RYR2: variants seen among roughly 807,000 people sequenced by gnomAD.
The protein encoded by RYR2 is cardiac muscle ryanodine receptor-calcium release channel.
Under a neutral mutation model 601.1 loss-of-function variants are expected in RYR2, and 227 were observed. The ratio of observed to expected loss-of-function variants is 0.38; its 90% CI spans 0.34 to 0.42. RYR2 has a LOEUF of 0.42. Ranked by LOEUF, RYR2 falls within the 10% of genes least tolerant of loss-of-function variation. The pLI, the probability that RYR2 is intolerant of heterozygous loss-of-function variation, is 1.00. For synonymous variants in RYR2, 2,223 were observed against 2,175.1 expected (o/e 1.02, Z -0.61); for missense variants, 4,646 against 6,156.5 (o/e 0.75, Z 8.21).
At chr1:237,414,231 A>AC (rs1704725131) in intron 10 of RYR2, among the ~76,000 whole-genome samples, 1 of 59,134 alleles carries the variant, frequency 1.7e-5, no homozygotes, top group Non-Finnish European at 3.2e-5. Flanking sequence ...TTTGTCATTC[A>AC]GTCTTACTTA....
intron 27 of RYR2, among the ~76,000 whole-genome samples, chr1:237,565,069 G>C (rs1671827733): frequency 6.6e-6 from 1 of 152,024 alleles, no homozygotes; most frequent in African/African-American, 2.4e-5. Context: ...ATCTTAAGGA[G>C]AAACAAATAG....
chr1:237,091,544 C>G (rs544823119), intron 1 of RYR2, among the ~76,000 whole-genome samples: 2 of 152,234 alleles, frequency 1.3e-5, no homozygotes, highest in Admixed American at 1.3e-4. Context: ...CCTGCCTCAG[C>G]CTCCCGAGTA....
chr1:237,256,972 A>G (rs933326692), intron 1 of RYR2, among the ~76,000 whole-genome samples: 4 of 151,882 alleles, frequency 2.6e-5, no homozygotes, highest in African/African-American at 9.7e-5. Context: ...ATTCAAACCA[A>G]TTTGCTTGGC....
intron 17 of RYR2, among the ~76,000 whole-genome samples, chr1:237,489,775 C>T (rs1293362503): frequency 2.6e-5 from 4 of 152,140 alleles, no homozygotes. Flanking sequence ...CCCAGGAAGC[C>T]TATTACTGGG....
In RYR2 at chr1:237,682,130, T is replaced by A. The variant is rs76553469; in HGVS notation, c.9017+1553T>A. Among the ~76,000 whole-genome samples the A allele has an allele frequency of 9.3e-3, 1,414 of 152,322 alleles. 14 individuals are homozygous for A. The highest frequency in any genetic ancestry group is 0.057 in the South Asian group (274 of 4,826). ...TTAGAACTATTCACTGAGCCCATAC[T>A]ATGCATATATCGAAGCATCCAATTG... is the stretch of plus-strand genomic sequence containing the variant. On this transcript the variant is annotated intron_variant, in intron 62 of 104. Coordinates refer to ENST00000366574, the MANE Select transcript of RYR2 (RefSeq NM_001035.3).
At chr1:237,280,546 T>C (rs1213399999) in intron 2 of RYR2, among the ~76,000 whole-genome samples, 1 of 152,108 alleles carries the variant, frequency 6.6e-6, no homozygotes, top group African/African-American at 2.4e-5. Context: ...TCCCAATATT[T>C]TTAGAGAAAA....
chr1:237,245,076 G>A (rs917821042), intron 1 of RYR2, among the ~76,000 whole-genome samples: 1 of 152,050 alleles, frequency 6.6e-6, no homozygotes, highest in Admixed American at 6.6e-5. Context: ...AATTAGCTGG[G>A]TGTGGTGGTG....
intron 1 of RYR2, among the ~76,000 whole-genome samples, chr1:237,099,889 G>GT (rs557001737): frequency 1.3e-4 from 20 of 152,222 alleles, no homozygotes; most frequent in African/African-American, 4.8e-4. Flanking sequence ...GCAGAGAGGA[G>GT]TTTTGTAAAT....
chr1:237,650,416 T>C (rs1200084624), intron 50 of RYR2, among the ~76,000 whole-genome samples: 1 of 152,142 alleles, frequency 6.6e-6, no homozygotes, highest in Non-Finnish European at 1.5e-5. Flanking sequence ...GTGAGATGAA[T>C]AGATCTCCCC....
intron 2 of RYR2, among the ~76,000 whole-genome samples, chr1:237,283,948 A>C (rs1053048207): frequency 5.9e-5 from 9 of 152,090 alleles, no homozygotes; most frequent in Non-Finnish European, 1.3e-4. Flanking sequence ...TTTATCCCTC[A>C]TCCTCCTTCC....
rs554422902 is a variant in RYR2 at position 237,712,494 on chromosome 1, T to C, written c.10323+657T>C. 4.0e-5 allele frequency among the ~76,000 whole-genome samples: 6 copies of C among 151,822 alleles called. No homozygotes were observed. The East Asian group carries it at 9.8e-4, about 25-fold the overall frequency. ...CTGCTGTCTCCCCAGGATCAGCAAA[T>C]CTCCAAGATGTCAGAGCAACAGAAT... On this transcript the variant is annotated intron_variant, in intron 71 of 104. Coordinates refer to ENST00000366574, the MANE Select transcript of RYR2 (RefSeq NM_001035.3).
At chr1:237,649,775 A>G (rs544546269) in intron 49 of RYR2, 102 bp from the exon 50 acceptor site, 11 of 934,408 alleles carry the variant, frequency 1.2e-5, no homozygotes, top group Middle Eastern at 3.4e-4. Flanking sequence ...TCATAGTGCT[A>G]TCATCTTCCG....
At chr1:237,085,930 T>C (rs868580206) in intron 1 of RYR2, among the ~76,000 whole-genome samples, 13 of 152,212 alleles carry the variant, frequency 8.5e-5, no homozygotes, top group African/African-American at 2.9e-4. Flanking sequence ...ATTTTTTGTA[T>C]TTTTGGTGGA....
chr1:237,066,866 T>C (rs1663694837), intron 1 of RYR2, among the ~76,000 whole-genome samples: 1 of 152,140 alleles, frequency 6.6e-6, no homozygotes. Flanking sequence ...CTCGATCTCC[T>C]GACCTCGCAA....
At chr1:237,731,743 A>G (rs1271900829) in intron 77 of RYR2, among the ~76,000 whole-genome samples, 1 of 152,170 alleles carries the variant, frequency 6.6e-6, no homozygotes, top group Non-Finnish European at 1.5e-5. Flanking sequence ...ATGGTAATGT[A>G]ACAGATATCT....
At chr1:237,352,472 C>G (rs992352529) in intron 3 of RYR2, among the ~76,000 whole-genome samples, 1 of 151,740 alleles carries the variant, frequency 6.6e-6, no homozygotes, top group African/African-American at 2.4e-5. Flanking sequence ...ATAAATATAC[C>G]ATGTTCATAT....
chr1:237,146,873 A>G (rs1558316623), intron 1 of RYR2, among the ~76,000 whole-genome samples: 1 of 152,160 alleles, frequency 6.6e-6, no homozygotes, highest in African/African-American at 2.4e-5. Flanking sequence ...TTCTTTTGGA[A>G]TTTCTTTCTG....
chr1:237,667,746 GTGTT>G (rs1684451800), intron 57 of RYR2, 133 bp from the exon 58 acceptor site: 3 of 594,576 alleles, frequency 5.0e-6, no homozygotes, highest in Non-Finnish European at 5.8e-6. Context: ...CTAAAGAAGA[GTGTT>G]TGATATCTTT....
rs113154166 is a variant in RYR2 at position 237,106,069 on chromosome 1, G to A, written c.48+63500G>A. On this transcript the variant is annotated intron_variant, in intron 1 of 104. Transcript: ENST00000366574. The surrounding 1 kb of genome is among the most constrained non-coding windows in gnomAD (Gnocchi z 4.4). ...GGTGGGGAGGCCAGAGGGGCTGCGG[G>A]TGTGGGCCGGGCAGGTGGAGGAGGC... Among the ~76,000 whole-genome samples, 4 of 152,118 alleles carry A rather than the reference G, an allele frequency of 2.6e-5. No homozygotes were observed. In the South Asian group the frequency reaches 8.3e-4, roughly 32 times the overall value.
Sources: gnomAD v4.1 joint callset for allele counts (sites outside exome capture counted in the v4.1 genomes callset) on GRCh38, gnomAD v4.1.1 for gene constraint, Gnocchi (gnomAD v3.1) non-coding constraint, MANE v1.5 for transcripts, NCBI Gene and HGNC (gene_info 2026-07-23, HGNC 2026-07-21) for gene names.